Variants in RGS6 observed in about 807,000 individuals in gnomAD.
RGS6 encodes the protein regulator of G protein signaling 6, also known as regulator of G-protein signaling 6.
RGS6 carries 30 observed loss-of-function variants against 78.5 expected under a neutral mutation model. The observed-to-expected ratio is 0.38, with a 90% CI of 0.29 to 0.52. The LOEUF (loss-of-function observed/expected upper bound fraction) is 0.52. Among genes scored for constraint, RGS6 ranks in the 20% least tolerant of loss-of-function variants. RGS6 has a pLI of 0.85. For synonymous variants in RGS6, 206 were observed against 206.0 expected (o/e 1.00, Z 0.00); for missense variants, 495 against 609.7 (o/e 0.81, Z 1.98).
intron 2 of RGS6, among the ~76,000 whole-genome samples, chr14:72,023,959 A>G (rs2089284687): frequency 6.6e-6 from 1 of 152,136 alleles, no homozygotes; most frequent in African/African-American, 2.4e-5. Flanking sequence ...TCTGGGGGAG[A>G]AAGCCATGTA....
chr14:72,283,444 G>C (rs2061929487), intron 2 of RGS6, among the ~76,000 whole-genome samples: 1 of 152,176 alleles, frequency 6.6e-6, no homozygotes, highest in African/African-American at 2.4e-5. Flanking sequence ...GGAGATAATT[G>C]ATTCATGGGG....
At chr14:72,360,787 G>C (rs1031662555) in intron 3 of RGS6, among the ~76,000 whole-genome samples, 9 of 152,126 alleles carry the variant, frequency 5.9e-5, no homozygotes, top group African/African-American at 1.9e-4. Context: ...GATATGGTTT[G>C]GCTCTGTGTC....
At chr14:72,537,672 A>G in intron 16 of RGS6, 5 of 641,600 alleles carry the variant, frequency 7.8e-6, no homozygotes, top group Non-Finnish European at 1.4e-5. Context: ...GAAAAATTAT[A>G]GGAACTTTTG....
chr14:72,078,618 AC>A (rs1007882221), intron 2 of RGS6, among the ~76,000 whole-genome samples: 26 of 151,918 alleles, frequency 1.7e-4, no homozygotes, highest in African/African-American at 5.8e-4. Flanking sequence ...GTTTCACTAT[AC>A]GTTAGCCAGG....
the RGS6 span, among the ~76,000 whole-genome samples, chr14:72,625,209 C>G: frequency 6.6e-6 from 1 of 152,132 alleles, no homozygotes; most frequent in Non-Finnish European, 1.5e-5. Context: ...TTTCCCCTTT[C>G]CCTCTACATT....
intron 2 of RGS6, among the ~76,000 whole-genome samples, chr14:71,976,755 A>G (rs2094153575): frequency 6.6e-6 from 1 of 151,894 alleles, no homozygotes; most frequent in African/African-American, 2.4e-5. Context: ...AGCATGATTT[A>G]TAGTCCTTTG....
chr14:72,418,027 C>G (rs1459456510), intron 3 of RGS6, among the ~76,000 whole-genome samples: 2 of 152,162 alleles, frequency 1.3e-5, no homozygotes, highest in Admixed American at 1.3e-4. Context: ...TTCCATCATT[C>G]TCCCACCTTT....
intron 6 of RGS6, among the ~76,000 whole-genome samples, chr14:72,461,313 A>G (rs2095775310): frequency 6.6e-6 from 1 of 152,178 alleles, no homozygotes; most frequent in Non-Finnish European, 1.5e-5. Context: ...AGATTAAAAT[A>G]TTTACTTCCG....
At chr14:72,364,607 GTTC>G (rs1371266456) in intron 3 of RGS6, among the ~76,000 whole-genome samples, 1 of 152,158 alleles carries the variant, frequency 6.6e-6, no homozygotes, top group Non-Finnish European at 1.5e-5. Flanking sequence ...TGGGACCCCA[GTTC>G]TTTAATAAAA....
intron 2 of RGS6, among the ~76,000 whole-genome samples, chr14:72,154,506 T>C (rs1029000230): frequency 6.6e-6 from 1 of 150,404 alleles, no homozygotes; most frequent in African/African-American, 2.4e-5. Flanking sequence ...GTCCCTCTGT[T>C]TGGGGGGGGT....
chr14:72,137,557 T>C (rs1259062345), intron 2 of RGS6, among the ~76,000 whole-genome samples: 4 of 152,252 alleles, frequency 2.6e-5, no homozygotes, highest in Admixed American at 1.3e-4. Flanking sequence ...CCAGGCCCTT[T>C]GTCATGTTTG....
At chr14:72,014,327 G>A (rs1307434274) in intron 2 of RGS6, among the ~76,000 whole-genome samples, 1 of 152,208 alleles carries the variant, frequency 6.6e-6, no homozygotes, top group African/African-American at 2.4e-5. Flanking sequence ...CCTTGGGATA[G>A]ATAGAACTCT....
intron 2 of RGS6, among the ~76,000 whole-genome samples, chr14:72,213,222 G>A (rs1041534344): frequency 3.3e-5 from 5 of 151,922 alleles, no homozygotes; most frequent in Non-Finnish European, 7.4e-5. Context: ...TTTCAAACTG[G>A]GAGCTATGAA....
chr14:72,455,742 G>GT (rs1242974475), intron 4 of RGS6, among the ~76,000 whole-genome samples: 1 of 152,174 alleles, frequency 6.6e-6, no homozygotes, highest in African/African-American at 2.4e-5. Flanking sequence ...CTCACTATGT[G>GT]TTGTCCCTGA....
chr14:72,258,715 T>C (rs2057551868), intron 2 of RGS6, among the ~76,000 whole-genome samples: 1 of 152,232 alleles, frequency 6.6e-6, no homozygotes, highest in Non-Finnish European at 1.5e-5. Flanking sequence ...TAATGTCTGT[T>C]TCACAGGGCT....
intron 2 of RGS6, among the ~76,000 whole-genome samples, chr14:72,114,557 T>G (rs1299242873): frequency 6.6e-6 from 1 of 152,194 alleles, no homozygotes; most frequent in Non-Finnish European, 1.5e-5. Context: ...AGGAGAAATC[T>G]CCCTAGAACA....
intron 13 of RGS6, among the ~76,000 whole-genome samples, chr14:72,508,462 G>A (rs1212469038): frequency 6.6e-6 from 1 of 151,798 alleles, no homozygotes; most frequent in Non-Finnish European, 1.5e-5. Flanking sequence ...CCATATTGGA[G>A]AGCACGGTTA....
Position 72,313,697 on chromosome 14 carries a change from A to AT in RGS6, c.85-38398_85-38397insT, listed in dbSNP as rs760571648. On this transcript the variant is annotated intron_variant, in intron 2 of 17. Transcript: ENST00000553525. ...CTTTCAAAGATAACCCAATAAAATAAAGAACTAACAGCATCATGATACATA... is the reference window on the plus strand; with the variant it reads ...CTTTCAAAGATAACCCAATAAAATAATAGAACTAACAGCATCATGATACATA... Among the ~76,000 whole-genome samples, 6 of 152,326 alleles carry AT rather than the reference A, an allele frequency of 3.9e-5. No individual in the cohort carries two copies. In the South Asian group the frequency reaches 1.2e-3, roughly 32 times the overall value.
At chr14:72,598,588 C>A in the RGS6 span, among the ~76,000 whole-genome samples, 5 of 152,212 alleles carry the variant, frequency 3.3e-5, no homozygotes, top group African/African-American at 1.2e-4. Context: ...TGCGCAGCCT[C>A]GGAAGACAGA....
Sources: allele counts gnomAD v4.1 joint callset (sites outside exome capture counted in the v4.1 genomes callset), GRCh38; gene constraint gnomAD v4.1.1; transcripts MANE v1.5; gene names NCBI Gene and HGNC (gene_info 2026-07-23, HGNC 2026-07-21).